The following NXPE2 variants were observed in gnomAD, a reference collection of about 807,000 sequenced individuals.
The protein encoded by NXPE2 is NXPE family member 2.
In NXPE2, 34 loss-of-function variants were observed where a neutral mutation model predicts 34.4. That is an observed-to-expected ratio of 0.99 (90% CI 0.75 to 1.31). NXPE2 has a LOEUF of 1.31. Ranked by LOEUF, NXPE2 falls within the 40% of genes most tolerant of loss-of-function variation. The pLI, the probability that NXPE2 is intolerant of heterozygous loss-of-function variation, is 0.00. For missense variants in NXPE2, 649 were observed against 672.5 expected (o/e 0.97, Z 0.39); for synonymous variants, 235 against 231.3 (o/e 1.02, Z -0.15).
At chr11:114,665,390 T>C in the NXPE2 span, among the ~76,000 whole-genome samples, 2 of 152,180 alleles carry the variant, frequency 1.3e-5, no homozygotes, top group African/African-American at 2.4e-5. Flanking sequence ...AGTTTTAAAA[T>C]TCTGTGAACA....
the NXPE2 span, among the ~76,000 whole-genome samples, chr11:114,745,569 C>T: frequency 2.0e-5 from 3 of 152,136 alleles, no homozygotes; most frequent in Non-Finnish European, 4.4e-5. Context: ...TATATTCAAA[C>T]CATAGCAAGA....
the NXPE2 span, among the ~76,000 whole-genome samples, chr11:114,649,691 G>A: frequency 6.6e-6 from 1 of 152,182 alleles, no homozygotes; most frequent in African/African-American, 2.4e-5. Context: ...GGGGTAACAG[G>A]TAGTAGGAGG....
At chr11:114,727,434 A>G in the NXPE2 span, among the ~76,000 whole-genome samples, 1 of 152,028 alleles carries the variant, frequency 6.6e-6, no homozygotes, top group African/African-American at 2.4e-5. Flanking sequence ...TCACTTCCTA[A>G]TATCACCACA....
chr11:114,725,976 A>AAATATATATATATATATATATATATAT, the NXPE2 span, among the ~76,000 whole-genome samples: 15 of 101,746 alleles, frequency 1.5e-4, no homozygotes, highest in East Asian at 7.3e-4. Flanking sequence ...ATAAAAAAAA[A>AAATATATATATATATATATATATATAT]ATATATATAT....
chr11:114,768,009 A>G, the NXPE2 span, among the ~76,000 whole-genome samples: 36 of 152,284 alleles, frequency 2.4e-4, 1 homozygote, highest in African/African-American at 8.7e-4. Context: ...TGAGAATTCA[A>G]TGCCATAATT....
Position 114,706,884 on chromosome 11 carries a change from A to C in NXPE2, c.1634A>C (p.Tyr545Ser). Residue 545 changes from tyrosine to serine, a missense_variant, in exon 6 of 6, where the codon TAT (tyrosine) becomes TCT (serine). Physicochemically the swap from Tyr to Ser is moderately radical, Grantham distance 144. Coordinates refer to ENST00000389586, the MANE Select transcript of NXPE2 (RefSeq NM_182495.6). ...YCTNNAHPPD[Y>S]VIQNQIGMFL... is the part of the protein sequence containing the mutation. ...ACCAACAATGCCCATCCACCGGATT[A>C]TGTGATTCAAAATCAGATTGGCATG... is the stretch of plus-strand genomic sequence containing the variant. The C allele has an allele frequency of 6.4e-7, 1 of 1,551,102 alleles. No homozygotes were observed. The highest frequency in any genetic ancestry group is 8.7e-7 in the Non-Finnish European group (1 of 1,146,272).
upstream of NXPE2, among the ~76,000 whole-genome samples, chr11:114,678,168 GT>G (rs551896250): frequency 2.4e-3 from 359 of 152,150 alleles, no homozygotes; most frequent in African/African-American, 8.2e-3. Flanking sequence ...CAGGGCTTCT[GT>G]TTTTCTTCTT....
chr11:114,617,212 G>T, the NXPE2 span, among the ~76,000 whole-genome samples: 9 of 150,076 alleles, frequency 6.0e-5, no homozygotes, highest in Admixed American at 3.3e-4. Context: ...CCACTGTTAC[G>T]CATTGGATAA....
At chr11:114,630,778 A>T in the NXPE2 span, among the ~76,000 whole-genome samples, 5 of 151,922 alleles carry the variant, frequency 3.3e-5, no homozygotes, top group African/African-American at 9.7e-5. Flanking sequence ...TACTCATCTG[A>T]TAAAGGGTTA....
chr11:114,532,699 G>T, the NXPE2 span, among the ~76,000 whole-genome samples: 3 of 152,158 alleles, frequency 2.0e-5, no homozygotes, highest in Non-Finnish European at 4.4e-5. Context: ...TAAATTCTCT[G>T]TCTCTTTCTC....
At chr11:114,555,252 C>T in the NXPE2 span, among the ~76,000 whole-genome samples, 1 of 151,884 alleles carries the variant, frequency 6.6e-6, no homozygotes, top group African/African-American at 2.4e-5. Context: ...GAGATGGAGT[C>T]TTGCTCTGTT....
chr11:114,678,356 C>T (rs1591423050), upstream of NXPE2: 1 of 443,190 alleles, frequency 2.3e-6, no homozygotes, highest in East Asian at 3.7e-5. Flanking sequence ...TCAGAGCTTC[C>T]TCATGGCTTT....
intron 2 of NXPE2, among the ~76,000 whole-genome samples, chr11:114,689,195 CT>C (rs1304646311): frequency 2.0e-5 from 3 of 151,994 alleles, no homozygotes; most frequent in African/African-American, 4.8e-5. Context: ...AATTTGAGAT[CT>C]TTCTATCTTC....
the NXPE2 span, among the ~76,000 whole-genome samples, chr11:114,639,563 T>A: frequency 6.6e-6 from 1 of 151,016 alleles, no homozygotes; most frequent in African/African-American, 2.4e-5. Flanking sequence ...TCTGCATCGC[T>A]CAGGCCGGGA....
chr11:114,761,981 G>A, the NXPE2 span, among the ~76,000 whole-genome samples: 1 of 152,326 alleles, frequency 6.6e-6, no homozygotes, highest in South Asian at 2.1e-4. Context: ...GATAAGGCCC[G>A]TGCCTTCAAG....
chr11:114,641,013 G>T, the NXPE2 span, among the ~76,000 whole-genome samples: 1 of 151,942 alleles, frequency 6.6e-6, no homozygotes, highest in Non-Finnish European at 1.5e-5. Flanking sequence ...GAATGATAAG[G>T]TACAAATATG....
chr11:114,566,474 G>A, the NXPE2 span, among the ~76,000 whole-genome samples: 1 of 152,198 alleles, frequency 6.6e-6, no homozygotes, highest in Non-Finnish European at 1.5e-5. Flanking sequence ...CTACTGAGAG[G>A]CTGAGTTGGA....
chr11:114,597,197 A>G, the NXPE2 span, among the ~76,000 whole-genome samples: 3 of 152,200 alleles, frequency 2.0e-5, no homozygotes, highest in African/African-American at 7.2e-5. Context: ...TATACATAAT[A>G]AATCAACAAT....
At chr11:114,610,498 T>C in the NXPE2 span, among the ~76,000 whole-genome samples, 3 of 151,904 alleles carry the variant, frequency 2.0e-5, no homozygotes, top group Non-Finnish European at 4.4e-5. Flanking sequence ...CAGTGGATAA[T>C]AAGTGTTGCC....
Sources: allele counts gnomAD v4.1 joint callset (sites outside exome capture counted in the v4.1 genomes callset), GRCh38; gene constraint gnomAD v4.1.1; transcripts MANE v1.5; gene names NCBI Gene and HGNC (gene_info 2026-07-23, HGNC 2026-07-21).